ECPAS: variants seen among roughly 807,000 people sequenced by gnomAD.
The protein encoded by ECPAS is proteasome adapter and scaffold protein ECM29.
A neutral mutation model predicts 255.1 loss-of-function variants in ECPAS; 70 were observed. That is an observed-to-expected ratio of 0.27 (90% CI 0.23 to 0.33). The LOEUF (loss-of-function observed/expected upper bound fraction) is 0.33. Ranked by LOEUF, ECPAS falls within the 10% of genes least tolerant of loss-of-function variation. The pLI is 1.00. For missense variants in ECPAS, 1,817 were observed against 2,206.4 expected (o/e 0.82, Z 3.54); for synonymous variants, 784 against 775.0 (o/e 1.01, Z -0.19).
Position 111,484,251 on chromosome 9 carries a change from C to T in ECPAS, c.-218G>A. ...TCCGTGAGGGGCTGGGCCGAGCGGGCCCGGGCTGCCCTAGCGGCCGGGGGA... is the reference window on the plus strand; with the variant it reads ...TCCGTGAGGGGCTGGGCCGAGCGGGTCCGGGCTGCCCTAGCGGCCGGGGGA... On this transcript the variant is annotated 5_prime_UTR_variant, in exon 1 of 50. Transcript: ENST00000684092. The T allele has an allele frequency of 6.7e-7, 1 of 1,485,266 alleles. No homozygotes were observed. Among genetic ancestry groups the T allele is most frequent in the South Asian group, 1.4e-5 (1 of 72,986 alleles). The allele number at this position is 1,485,266 out of a possible 1,614,324, so 92.0% of individuals were successfully genotyped here.
At position 111,373,473 on chromosome 9, in the gene ECPAS, C is replaced by T. The variant is rs2098129806; in HGVS notation, c.4178-67G>A. Reference sequence around the variant, plus strand: ...CAAATGTTCCACTCTGTTCCCAGAACCCAAACAAACCTAACCCTGTAATTA... The same window carrying T: ...CAAATGTTCCACTCTGTTCCCAGAATCCAAACAAACCTAACCCTGTAATTA... On this transcript the variant is annotated intron_variant, in intron 39 of 49. Coordinates refer to ENST00000684092, the MANE Select transcript of ECPAS (RefSeq NM_001364929.1). 42 of 1,245,478 alleles carry T rather than the reference C, an allele frequency of 3.4e-5. 2 individuals are homozygous for T. In the South Asian group the frequency reaches 5.3e-4, roughly 16 times the overall value. The allele number at this position is 1,245,478 out of a possible 1,614,324, so 77.2% of individuals were successfully genotyped here.
chr9:111,390,506 T>C (rs534500456), intron 29 of ECPAS, among the ~76,000 whole-genome samples: 1 of 152,380 alleles, frequency 6.6e-6, no homozygotes, highest in South Asian at 2.1e-4. Context: ...TTGAGTCTTG[T>C]TAACTTTCCT....
Position 111,414,414 on chromosome 9 carries a change from G to T in ECPAS, c.1987+15C>A, listed in dbSNP as rs755380450. On this transcript the variant is annotated intron_variant, in intron 19 of 49. Coordinates refer to ENST00000684092, the MANE Select transcript of ECPAS (RefSeq NM_001364929.1). ...AAGTGCTTCAGTATCTTTCCTTCGCGTCACATATTCCTACCTCCAACACCT... is the reference window on the plus strand; with the variant it reads ...AAGTGCTTCAGTATCTTTCCTTCGCTTCACATATTCCTACCTCCAACACCT... 14 of 1,603,950 alleles carry T rather than the reference G, an allele frequency of 8.7e-6. No individual in the cohort carries two copies. Among genetic ancestry groups the T allele is most frequent in the Non-Finnish European group, 7.7e-6 (9 of 1,171,610 alleles).
In ECPAS at chr9:111,436,292, T is replaced by C. The variant is rs547703803; in HGVS notation, c.708+648A>G. 3.3e-5 allele frequency among the ~76,000 whole-genome samples: 5 copies of C among 152,314 alleles called. No individual in the cohort carries two copies. In the East Asian group the frequency reaches 9.7e-4, roughly 29 times the overall value. ...TTGCTTGAATTCCAAAATAATTACATACTGATCTCATCTGTTCTTCCCTGA... is the reference window on the plus strand; with the variant it reads ...TTGCTTGAATTCCAAAATAATTACACACTGATCTCATCTGTTCTTCCCTGA... On this transcript the variant is annotated intron_variant, in intron 7 of 49. Coordinates refer to ENST00000684092, the MANE Select transcript of ECPAS (RefSeq NM_001364929.1).
At chr9:111,445,911 A>G (rs1185578518) in intron 3 of ECPAS, among the ~76,000 whole-genome samples, 1 of 151,952 alleles carries the variant, frequency 6.6e-6, no homozygotes, top group East Asian at 1.9e-4. Flanking sequence ...CCCACCTATG[A>G]GTGAGAAGAT....
intron 7 of ECPAS, among the ~76,000 whole-genome samples, chr9:111,435,824 C>T (rs1178960890): frequency 2.0e-5 from 3 of 150,274 alleles, no homozygotes; most frequent in South Asian, 2.1e-4. Flanking sequence ...GGACTACAGG[C>T]GCCCGCCACC....
chr9:111,365,282 A>G (rs1193523338), intron 48 of ECPAS, among the ~76,000 whole-genome samples: 1 of 109,338 alleles, frequency 9.1e-6, no homozygotes, highest in African/African-American at 3.4e-5. Context: ...AAATAATAAT[A>G]ACCATTATCA....
chr9:111,409,766 A>G (rs939579123), intron 23 of ECPAS, among the ~76,000 whole-genome samples: 2 of 152,202 alleles, frequency 1.3e-5, no homozygotes, highest in East Asian at 1.9e-4. Flanking sequence ...ATGACAAAAG[A>G]TATTTCCTGA....
rs2131673275 is a variant in ECPAS at position 111,403,217 on chromosome 9, G to A, written c.2652+5354C>T. On this transcript the variant is annotated intron_variant, in intron 24 of 49. Transcript: ENST00000684092. ...AAAAAAAAAAAAAAAAAAATTAGCTGGGCATGGTGGCTTGTGCCTGTAGGC... is the reference window on the plus strand; with the variant it reads ...AAAAAAAAAAAAAAAAAAATTAGCTAGGCATGGTGGCTTGTGCCTGTAGGC... 2.7e-5 allele frequency among the ~76,000 whole-genome samples: 4 copies of A among 149,944 alleles called. No homozygotes were observed. The Middle Eastern group carries it at 0.014, about 517-fold the overall frequency.
In ECPAS at chr9:111,396,375, A is replaced by C. The variant is rs927830839; in HGVS notation, c.2776+655T>G. ...CGCTAGCAGAAGGCACTGAGGCTTCATTATGTAATAAAGGATTAGAGGACA... is the reference window on the plus strand; with the variant it reads ...CGCTAGCAGAAGGCACTGAGGCTTCCTTATGTAATAAAGGATTAGAGGACA... On this transcript the variant is annotated intron_variant, in intron 25 of 49. Transcript: ENST00000684092. Among the ~76,000 whole-genome samples the C allele has an allele frequency of 6.8e-4, 103 of 152,220 alleles. 2 individuals are homozygous for C. The highest frequency in any genetic ancestry group is 6.7e-3 in the Admixed American group (103 of 15,290).
chr9:111,427,920 C>G (rs1009868258), intron 10 of ECPAS, 122 bp downstream of exon 10: 15 of 715,734 alleles, frequency 2.1e-5, no homozygotes, highest in Non-Finnish European at 2.9e-5. Context: ...AAAAAAGAAT[C>G]TCATTAATCT....
chr9:111,372,866 T>C (rs1291658254), intron 41 of ECPAS, among the ~76,000 whole-genome samples: 1 of 151,922 alleles, frequency 6.6e-6, no homozygotes, highest in Non-Finnish European at 1.5e-5. Flanking sequence ...ACCCCACCTA[T>C]ACAAAAAATA....
chr9:111,440,614 C>T lies in ECPAS; in HGVS notation c.390-93G>A, dbSNP rs1307029270. The T allele has an allele frequency of 1.7e-5, 17 of 995,580 alleles. No individual in the cohort carries two copies. The Admixed American group carries it at 4.4e-4, about 26-fold the overall frequency. The allele number at this position is 995,580 out of a possible 1,614,324, so 61.7% of individuals were successfully genotyped here. A position where few individuals can be genotyped will look rare whatever the true frequency, so the allele number is the denominator to read the frequency against. On this transcript the variant is annotated intron_variant, in intron 5 of 49. Transcript: ENST00000684092. ...CAAAACAAAAATCACGTAACAAAAA[C>T]TGGCAGTTTTAAGCAAGAGACATTC...
chr9:111,481,946 A>T (rs1328194737), intron 1 of ECPAS, among the ~76,000 whole-genome samples: 1 of 152,150 alleles, frequency 6.6e-6, no homozygotes, highest in Non-Finnish European at 1.5e-5. Context: ...CGAAGGGAGG[A>T]GGGAATGAGG....
intron 15 of ECPAS, among the ~76,000 whole-genome samples, chr9:111,421,178 T>C (rs181914268): frequency 3.7e-4 from 57 of 152,304 alleles, no homozygotes. Flanking sequence ...TCTGAATGTA[T>C]ATAATAGCAC....
chr9:111,400,294 C>A (rs1370479409), intron 24 of ECPAS, among the ~76,000 whole-genome samples: 2 of 152,212 alleles, frequency 1.3e-5, no homozygotes, highest in Non-Finnish European at 2.9e-5. Flanking sequence ...CTCTGAAGGA[C>A]AGGTACAAAC....
chr9:111,410,102 G>T lies in ECPAS; in HGVS notation c.2489C>A (p.Thr830Asn). The change falls in exon 23 of 50, where the codon ACC (threonine) becomes AAC (asparagine). Residue 830 changes from threonine (T) to asparagine (N), a missense_variant. Coordinates refer to ENST00000684092, the MANE Select transcript of ECPAS (RefSeq NM_001364929.1). Reference protein sequence around the residue: ...LPIPSEGSGFTKLHLVESLLS... With the variant: ...LPIPSEGSGFNKLHLVESLLS... The stretch of plus-strand genomic sequence containing the variant: ...TAAGCTTTCTACAAGATGCAATTTG[G>T]TAAAGCCAGATCCCTCACTGGGGAT... The T allele has an allele frequency of 6.2e-7, 1 of 1,600,884 alleles. No homozygotes were observed. The highest frequency in any genetic ancestry group is 8.5e-7 in the Non-Finnish European group (1 of 1,173,486).
intron 6 of ECPAS, 62 bp from the exon 7 acceptor site, chr9:111,437,170 A>G: frequency 7.5e-7 from 1 of 1,328,052 alleles, no homozygotes; most frequent in Non-Finnish European, 1.0e-6. Context: ...CTATATATGT[A>G]TACAAAACAT....
In ECPAS at chr9:111,412,133, T is replaced by A. The variant is rs375619270; in HGVS notation, c.2095A>T (p.Ser699Cys). The A allele has an allele frequency of 1.9e-6, 3 of 1,587,634 alleles. No individual in the cohort carries two copies. The highest frequency in any genetic ancestry group is 2.6e-6 in the Non-Finnish European group (3 of 1,172,716). ...TEWIKSLMNN[S>C]KEEMRELAAL... is the part of the protein sequence containing the mutation. ...GCCAGTTCGCGCATTTCTTCTTTAC[T>A]GTTATTCATCAGACTCTGAGCAGTA... The change falls in exon 21 of 50, where the codon AGT becomes TGT. Residue 699 changes from serine (S) to cysteine (C), a missense_variant. Physicochemically the swap from Ser to Cys is moderately radical, Grantham distance 112. Around this residue, in one of 4 missense-constraint regions of ECPAS, gnomAD observed 573 missense variants for 716.2 expected, o/e 0.80. Transcript: ENST00000684092.
Sources: gnomAD v4.1 joint callset for allele counts (sites outside exome capture counted in the v4.1 genomes callset) on GRCh38, gnomAD v4.1.1 for gene constraint, gnomAD v4.1.1 regional missense constraint, MANE v1.5 for transcripts, NCBI Gene and HGNC (gene_info 2026-07-23, HGNC 2026-07-21) for gene names.